STXBP6: variants seen among roughly 807,000 people sequenced by gnomAD.
STXBP6 encodes the protein syntaxin binding protein 6, also known as syntaxin-binding protein 6.
A neutral mutation model predicts 26.9 loss-of-function variants in STXBP6; 21 were observed. The observed-to-expected ratio is 0.78, with a 90% CI of 0.55 to 1.12. The LOEUF is 1.12. Ranked by LOEUF, STXBP6 falls within the 50% of genes most tolerant of loss-of-function variation. The probability of loss-of-function intolerance (pLI) is 0.00; values close to 1 mark genes in which losing one functional copy is unlikely to be tolerated. For missense variants in STXBP6, 232 were observed against 257.9 expected, an observed-to-expected ratio of 0.90 and a Z score of 0.69; for synonymous variants, 97 against 92.6, an observed-to-expected ratio of 1.05 and a Z score of -0.27.
chr14:24,858,406 C>T (rs1292479604), intron 2 of STXBP6, among the ~76,000 whole-genome samples: 21 of 152,124 alleles, frequency 1.4e-4, no homozygotes, highest in Admixed American at 1.4e-3. Context: ...TGAGTACTAT[C>T]TACTCTCTCT....
chr14:24,967,670 A>C (rs1307981741), intron 2 of STXBP6, among the ~76,000 whole-genome samples: 1 of 152,212 alleles, frequency 6.6e-6, no homozygotes. Flanking sequence ...TTATAGCTGG[A>C]TGTACACACC....
intron 4 of STXBP6, among the ~76,000 whole-genome samples, chr14:24,835,852 C>T (rs1012928317): frequency 1.3e-5 from 2 of 152,146 alleles, no homozygotes; most frequent in Admixed American, 1.3e-4. Flanking sequence ...AAGAGGTGTC[C>T]ATCTTTGTGG....
intron 1 of STXBP6, among the ~76,000 whole-genome samples, chr14:25,030,685 G>C (rs750406982): frequency 1.3e-5 from 2 of 152,162 alleles, no homozygotes; most frequent in Admixed American, 6.5e-5. Flanking sequence ...CACAATAAAG[G>C]CTGACAGCAT....
chr14:24,920,115 T>C (rs2071927521), intron 2 of STXBP6, among the ~76,000 whole-genome samples: 1 of 152,070 alleles, frequency 6.6e-6, no homozygotes, highest in South Asian at 2.1e-4. Flanking sequence ...AGCATCTACG[T>C]ATCAAAAAGC....
intron 5 of STXBP6, among the ~76,000 whole-genome samples, chr14:24,818,291 C>T (rs996863417): frequency 2.0e-5 from 3 of 152,188 alleles, no homozygotes; most frequent in African/African-American, 7.2e-5. Flanking sequence ...CCTCTCTTTC[C>T]TTTGGTTTGT....
At chr14:25,040,990 A>G (rs541619352) in intron 1 of STXBP6, among the ~76,000 whole-genome samples, 40 of 152,340 alleles carry the variant, frequency 2.6e-4, no homozygotes, top group African/African-American at 9.6e-4. Context: ...CTCCTTATAT[A>G]AGTGCCAACT....
intron 1 of STXBP6, among the ~76,000 whole-genome samples, chr14:25,025,098 T>C (rs1394593358): frequency 6.6e-6 from 1 of 152,092 alleles, no homozygotes; most frequent in African/African-American, 2.4e-5. Flanking sequence ...AAAGAAAATG[T>C]GTTACAAAAA....
intron 1 of STXBP6, among the ~76,000 whole-genome samples, chr14:24,977,346 T>C (rs2074076524): frequency 6.6e-6 from 1 of 152,204 alleles, no homozygotes; most frequent in Non-Finnish European, 1.5e-5. Context: ...GGAAATCCTG[T>C]TCTTTTTAAA....
intron 1 of STXBP6, among the ~76,000 whole-genome samples, chr14:25,008,463 G>A (rs916318125): frequency 2.0e-5 from 3 of 152,184 alleles, no homozygotes; most frequent in Non-Finnish European, 4.4e-5. Context: ...CAGCCTGGGA[G>A]ATAGAGGGAG....
chr14:24,951,557 T>C (rs2073171646), intron 2 of STXBP6, among the ~76,000 whole-genome samples: 1 of 152,202 alleles, frequency 6.6e-6, no homozygotes, highest in African/African-American at 2.4e-5. Context: ...TTGCCCACTT[T>C]TTGATGGGGT....
chr14:24,998,717 A>G (rs1324285636), intron 1 of STXBP6, among the ~76,000 whole-genome samples: 3 of 152,226 alleles, frequency 2.0e-5, no homozygotes, highest in Non-Finnish European at 4.4e-5. Flanking sequence ...TGTAAGTGTT[A>G]CTACGATCCA....
intron 2 of STXBP6, among the ~76,000 whole-genome samples, chr14:24,921,174 C>T (rs1269928700): frequency 6.6e-6 from 1 of 152,142 alleles, no homozygotes; most frequent in Non-Finnish European, 1.5e-5. Context: ...AGGGATGTGT[C>T]AGGATTCAAG....
At chr14:25,041,050 G>A (rs1173440688) in intron 1 of STXBP6, among the ~76,000 whole-genome samples, 4 of 152,174 alleles carry the variant, frequency 2.6e-5, no homozygotes, top group Non-Finnish European at 5.9e-5. Context: ...GGCCAGGCGC[G>A]GTGGCTCACG....
rs1033050525 is a variant in STXBP6 at position 24,915,686 on chromosome 14, C to G, written c.155-58529G>C. On this transcript the variant is annotated intron_variant, in intron 2 of 5. Transcript: ENST00000323944. Reference sequence around the variant, plus strand: ...TTTAATCAATATTCATACCCACAACCCTGTTCAGCTAGTTCTAATCCAGCT... The same window carrying G: ...TTTAATCAATATTCATACCCACAACGCTGTTCAGCTAGTTCTAATCCAGCT... 2.6e-5 allele frequency among the ~76,000 whole-genome samples: 4 copies of G among 152,160 alleles called. No individual in the cohort carries two copies. The South Asian group carries it at 8.3e-4, about 32-fold the overall frequency.
chr14:24,926,983 C>T (rs1490101300), intron 2 of STXBP6, among the ~76,000 whole-genome samples: 1 of 151,968 alleles, frequency 6.6e-6, no homozygotes, highest in Admixed American at 6.6e-5. Flanking sequence ...GAAGCTGATC[C>T]CCTAATTTAA....
rs2075780101 is a variant in STXBP6 at position 25,049,887 on chromosome 14, T to G, written c.-42A>C. On this transcript the variant is annotated 5_prime_UTR_variant, in exon 1 of 6. Transcript: ENST00000323944. The surrounding 1 kb of genome is among the most constrained non-coding windows in gnomAD (Gnocchi z 5.6). The stretch of plus-strand genomic sequence containing the variant: ...CTCGCCCCGGTCCTACCGTGCAGCC[T>G]GGCTCGCGCCCCTGCCGTGCCAGTG... The G allele has an allele frequency of 4.1e-6, 4 of 985,116 alleles. No individual in the cohort carries two copies. Among genetic ancestry groups the G allele is most frequent in the Non-Finnish European group, 4.8e-6 (4 of 829,760 alleles). The allele number at this position is 985,116 out of a possible 1,614,324, so 61.0% of individuals were successfully genotyped here. A position where few individuals can be genotyped will look rare whatever the true frequency, so the allele number is the denominator to read the frequency against.
chr14:24,986,602 C>T (rs1227277456), intron 1 of STXBP6, among the ~76,000 whole-genome samples: 1 of 152,182 alleles, frequency 6.6e-6, no homozygotes, highest in African/African-American at 2.4e-5. Flanking sequence ...AAATAGGAAT[C>T]CGTCTAGCCC....
At chr14:25,022,387 T>G (rs1205882374) in intron 1 of STXBP6, among the ~76,000 whole-genome samples, 1 of 152,188 alleles carries the variant, frequency 6.6e-6, no homozygotes, top group Non-Finnish European at 1.5e-5. Context: ...GAATTCCCTG[T>G]GATTGGGCCA....
At chr14:24,937,348 T>C (rs2072639294) in intron 2 of STXBP6, among the ~76,000 whole-genome samples, 1 of 152,254 alleles carries the variant, frequency 6.6e-6, no homozygotes, top group Non-Finnish European at 1.5e-5. Flanking sequence ...CACATGCTTT[T>C]ACATTTACTA....
Sources: allele counts gnomAD v4.1 joint callset (sites outside exome capture counted in the v4.1 genomes callset), GRCh38; gene constraint gnomAD v4.1.1; non-coding constraint Gnocchi (gnomAD v3.1); transcripts MANE v1.5; gene names NCBI Gene and HGNC (gene_info 2026-07-23, HGNC 2026-07-21).